The following PLEC variants were observed in gnomAD, a reference collection of about 807,000 sequenced individuals.
PLEC encodes hemidesmosomal protein 1.
A neutral mutation model predicts 392.8 loss-of-function variants in PLEC; 216 were observed. The ratio of observed to expected loss-of-function variants is 0.55; its 90% confidence interval spans 0.49 to 0.62. The LOEUF (loss-of-function observed/expected upper bound fraction) is 0.62. PLEC is among the 20% of genes least tolerant of loss of function. The pLI is 0.00. For synonymous variants in PLEC, 3,621 were observed against 2,980.6 expected, an observed-to-expected ratio of 1.21 and a Z score of -7.00; for missense variants, 6,863 against 6,563.4, an observed-to-expected ratio of 1.05 and a Z score of -1.58.
In PLEC at chr8:143,919,246, C is replaced by A; in HGVS notation, c.10575G>T (p.Gln3525His). 6.2e-7 allele frequency: 1 copy of A among 1,614,014 alleles called. No individual in the cohort carries two copies. Among genetic ancestry groups the A allele is most frequent in the South Asian group, 1.1e-5 (1 of 91,086 alleles). Residue 3525 changes from glutamine to histidine, a missense_variant, in exon 32 of 32, where the codon CAG (glutamine) becomes CAT (histidine). Coordinates refer to ENST00000345136, the MANE Select transcript of PLEC (RefSeq NM_201384.3). ...GGTCCTCCACGCACCGCTCCAGCAG[C>A]TGCCTGTACGTGAGGTTCTCATGCG... ...PNTHENLTYR[Q>H]LLERCVEDPE...
chr8:143,925,691 T>G lies in PLEC; in HGVS notation c.4238A>C (p.Gln1413Pro), dbSNP rs2131504296. Residue 1413 changes from glutamine (Q) to proline (P), a missense_variant, in exon 31 of 32, where the codon CAG becomes CCG. By Grantham distance (76) the Gln-to-Pro change is moderately conservative (BLOSUM62 -1). Transcript: ENST00000345136. ...RREEAAVDAQQQKRSIQEELQ... is the reference protein window; with the variant it reads ...RREEAAVDAQPQKRSIQEELQ... ...CTCCTCCTGAATGCTGCGCTTCTGC[T>G]GCTGCGCGTCCACCGCCGCCTCCTC... 2.5e-6 allele frequency: 4 copies of G among 1,592,442 alleles called. No individual in the cohort carries two copies. Among genetic ancestry groups the G allele is most frequent in the Non-Finnish European group, 3.4e-6 (4 of 1,176,712 alleles).
chr8:143,970,343 C>T (rs1307092106), intron 1 of PLEC, among the ~76,000 whole-genome samples: 10 of 151,108 alleles, frequency 6.6e-5, no homozygotes, highest in East Asian at 5.8e-4. Flanking sequence ...CAAAGAAAAA[C>T]GGGGAGAGTC....
chr8:143,921,721 C>T lies in PLEC; in HGVS notation c.8100G>A (p.Gly2700=). The T allele has an allele frequency of 6.2e-7, 1 of 1,612,928 alleles. No homozygotes were observed. The highest frequency in any genetic ancestry group is 2.2e-5 in the East Asian group (1 of 44,876). ...TCTCATTGGTGGCCTTCAGCAACAG[C>T]CCTGCGATACTGCTGCGGCCCTGCA... ...HYLQGRSSIA[G]LLLKATNEKL... is the part of the protein sequence containing the mutation. Residue 2700 remains glycine (G), a synonymous_variant, in exon 32 of 32, where the codon GGG becomes GGA. Transcript: ENST00000345136.
intron 1 of PLEC, chr8:143,945,222 C>G (rs969826832): frequency 4.1e-6 from 2 of 491,696 alleles, no homozygotes. Context: ...AGGCCAGAGA[C>G]CCAGGCAGCC....
chr8:143,921,592 C>T lies in PLEC; in HGVS notation c.8229G>A (p.Val2743=). The stretch of plus-strand genomic sequence containing the variant: ...CGTTGACGGTCAGCCGCCGGTTCCG[C>T]ACAGGGTCCAGCAGGAAGCCTGAGG... ...QAASGFLLDP[V]RNRRLTVNEA... The change falls in exon 32 of 32, where the codon GTG becomes GTA. Residue 2743 remains valine, a synonymous_variant. Transcript: ENST00000345136. 1 of 1,612,728 alleles carries T rather than the reference C, an allele frequency of 6.2e-7. No homozygotes were observed. The highest frequency in any genetic ancestry group is 1.6e-4 in the Middle Eastern group (1 of 6,062).
chr8:143,944,974 C>T (rs1291554165), intron 1 of PLEC, among the ~76,000 whole-genome samples: 13 of 150,282 alleles, frequency 8.7e-5, no homozygotes, highest in Non-Finnish European at 1.5e-4. Flanking sequence ...CTCGGTCCCC[C>T]AGCTCCCACA....
rs1554679227 is a variant in PLEC at position 143,919,718 on chromosome 8, T to C, written c.10103A>G (p.Lys3368Arg). The C allele has an allele frequency of 2.5e-6, 4 of 1,606,100 alleles. No individual in the cohort carries two copies. The highest frequency in any genetic ancestry group is 1.1e-5 in the South Asian group (1 of 90,984). The change falls in exon 32 of 32, where the codon AAG becomes AGG. Residue 3368 changes from lysine to arginine, a missense_variant. Lys to Arg is a conservative substitution (Grantham distance 26, BLOSUM62 2). Coordinates refer to ENST00000345136, the MANE Select transcript of PLEC (RefSeq NM_201384.3). ...AGIYLEDTKE[K>R]VSIYEAMRRG... ...GCGCATGGCCTCGTAGATGGACACC[T>C]TCTCCTTGGTGTCCTCCAGGTAGAT...
intron 1 of PLEC, among the ~76,000 whole-genome samples, chr8:143,968,692 G>T (rs1790393328): frequency 6.6e-6 from 1 of 152,048 alleles, no homozygotes; most frequent in East Asian, 1.9e-4. Context: ...AATGGACAAA[G>T]GATTGAAATA....
rs1554697089 is a variant in PLEC at position 143,924,396 on chromosome 8, C to A, written c.5533G>T (p.Ala1845Ser). ...TCCGCCTCCGTCTTGAGCCGCGTGG[C>A]CTCGCCGATGGCGGCCAGCTTCTCC... is the stretch of plus-strand genomic sequence containing the variant. The part of the protein sequence containing the change: ...LAEKLAAIGE[A>S]TRLKTEAEIA... Residue 1845 changes from alanine to serine, a missense_variant, in exon 31 of 32, where the codon GCC becomes TCC. By Grantham distance (99) the Ala-to-Ser change is moderately conservative. Coordinates refer to ENST00000345136, the MANE Select transcript of PLEC (RefSeq NM_201384.3). 1.3e-6 allele frequency: 2 copies of A among 1,594,986 alleles called. No homozygotes were observed.
At chr8:143,931,382 C>T in intron 19 of PLEC, 152 bp downstream of exon 19, 1 of 615,734 alleles carries the variant, frequency 1.6e-6, no homozygotes, top group Admixed American at 2.5e-5. Flanking sequence ...AACATCCTGC[C>T]TCATTCCCGC....
In PLEC at chr8:143,919,302, C is replaced by G. The variant is rs200293573; in HGVS notation, c.10519G>C (p.Asp3507His). Residue 3507 changes from aspartate to histidine, a missense_variant, in exon 32 of 32, where the codon GAC becomes CAC. Physicochemically the swap from Asp to His is moderately conservative, Grantham distance 81. Coordinates refer to ENST00000345136, the MANE Select transcript of PLEC (RefSeq NM_201384.3). ...GGGTCAAAGAAGCCCTTGGTGTCGT[C>G]GCTGGGGTCCGCCAGGACGCGGTTC... Reference protein sequence around the residue: ...EMNRVLADPSDDTKGFFDPNT... With the variant: ...EMNRVLADPSHDTKGFFDPNT... 1.9e-6 allele frequency: 3 copies of G among 1,613,868 alleles called. No individual in the cohort carries two copies. Among genetic ancestry groups the G allele is most frequent in the Non-Finnish European group, 2.5e-6 (3 of 1,180,046 alleles).
At chr8:143,947,713 G>A (rs1266242431) in intron 1 of PLEC, among the ~76,000 whole-genome samples, 2 of 152,194 alleles carry the variant, frequency 1.3e-5, no homozygotes, top group Non-Finnish European at 2.9e-5. Flanking sequence ...CTGTGCTATT[G>A]CACTCCAGCC....
rs1336183830 is a variant in PLEC at position 143,969,898 on chromosome 8, G to A, written c.70+3505C>T. ...TGGGTGGCGTTGGTGTGGGGCAGGG[G>A]CCAGGGGTGGGAGGCCTGCATTGGT... On this transcript the variant is annotated intron_variant, in intron 1 of 31. Coordinates refer to the PLEC transcript ENST00000356346. This position sits in a 1 kb window ranked among gnomAD's most constrained non-coding sequence, Gnocchi z 5.1. Among the ~76,000 whole-genome samples the A allele has an allele frequency of 6.6e-6, 1 of 151,860 alleles. No homozygotes were observed. The highest frequency in any genetic ancestry group is 1.5e-5 in the Non-Finnish European group (1 of 67,954).
intron 12 of PLEC, 55 bp from the exon 13 acceptor site, chr8:143,933,406 G>C: frequency 6.3e-7 from 1 of 1,599,908 alleles, no homozygotes; most frequent in African/African-American, 1.3e-5. Context: ...TGACCTCACA[G>C]GGGCCCCGGC....
rs781971005 is a variant in PLEC, at chr8:143,925,821, C to G, written c.4108G>C (p.Glu1370Gln). The part of the protein sequence containing the change: ...ERLAEVEAAL[E>Q]KQRQLAEAHA... Reference sequence around the variant, plus strand: ...GCCTCGGCCAGCTGCCGCTGCTTCTCCAGCGCGGCCTCCACCTCGGCCAGC... The same window carrying G: ...GCCTCGGCCAGCTGCCGCTGCTTCTGCAGCGCGGCCTCCACCTCGGCCAGC... Residue 1370 changes from glutamate (E) to glutamine (Q), a missense_variant, in exon 31 of 32, where the codon GAG (glutamate) becomes CAG (glutamine). Coordinates refer to ENST00000345136, the MANE Select transcript of PLEC (RefSeq NM_201384.3). 1.9e-6 allele frequency: 3 copies of G among 1,561,760 alleles called. No individual in the cohort carries two copies. Among genetic ancestry groups the G allele is most frequent in the Non-Finnish European group, 2.6e-6 (3 of 1,161,198 alleles).
Position 143,921,226 on chromosome 8 carries a change from C to G in PLEC, c.8595G>C (p.Leu2865=), listed in dbSNP as rs1554684618. The G allele has an allele frequency of 6.2e-7, 1 of 1,614,126 alleles. No homozygotes were observed. The highest frequency in any genetic ancestry group is 1.1e-5 in the South Asian group (1 of 91,090). ...DPNTHENLTY[L]QLLERCVEDP... ...CCTCCACGCAGCGCTCCAGTAGCTG[C>G]AGGTACGTGAGGTTCTCGTGCGTGT... is the stretch of plus-strand genomic sequence containing the variant. Residue 2865 remains leucine (L), a synonymous_variant, in exon 32 of 32, where the codon CTG becomes CTC. Coordinates refer to ENST00000345136, the MANE Select transcript of PLEC (RefSeq NM_201384.3).
upstream of PLEC, chr8:143,975,363 C>T (rs782440685): frequency 6.2e-7 from 1 of 1,608,298 alleles, no homozygotes; most frequent in Non-Finnish European, 8.5e-7. This position sits in a 1 kb window ranked among gnomAD's most constrained non-coding sequence, Gnocchi z 9.9. Context: ...GCGTCCTCAC[C>T]CGACATGGCC....
At chr8:143,946,222 G>A in intron 1 of PLEC, 1 of 583,752 alleles carries the variant, frequency 1.7e-6, no homozygotes, top group Non-Finnish European at 2.7e-6. Context: ...CCGAGAGGGG[G>A]CTGTGCCTAT....
In PLEC at chr8:143,921,579, G is replaced by A. The variant is rs782370389; in HGVS notation, c.8242C>T (p.Leu2748=). 6.2e-7 allele frequency: 1 copy of A among 1,612,262 alleles called. No individual in the cohort carries two copies. The highest frequency in any genetic ancestry group is 8.5e-7 in the Non-Finnish European group (1 of 1,179,418). ...TCCTTCACAGCCTCGTTGACGGTCA[G>A]CCGCCGGTTCCGCACAGGGTCCAGC... is the stretch of plus-strand genomic sequence containing the variant. The part of the protein sequence containing the change: ...FLLDPVRNRR[L]TVNEAVKEGV... Residue 2748 remains leucine, a synonymous_variant, in exon 32 of 32, where the codon CTG becomes TTG. Transcript: ENST00000345136.
Sources: allele counts gnomAD v4.1 joint callset (sites outside exome capture counted in the v4.1 genomes callset), GRCh38; gene constraint gnomAD v4.1.1; non-coding constraint Gnocchi (gnomAD v3.1); transcripts MANE v1.5; gene names NCBI Gene and HGNC (gene_info 2026-07-23, HGNC 2026-07-21).